SNTG1: variants seen among roughly 807,000 people sequenced by gnomAD.
SNTG1 encodes the protein syntrophin gamma 1.
In SNTG1, 39 loss-of-function variants were observed where a neutral mutation model predicts 74.7. That is an observed-to-expected ratio of 0.52 (90% CI 0.40 to 0.68). SNTG1 has a LOEUF of 0.68. SNTG1 is among the 30% of genes least tolerant of loss of function. SNTG1 has a pLI of 0.00. For missense variants in SNTG1, 685 were observed against 609.5 expected (o/e 1.12, Z -1.30); for synonymous variants, 254 against 217.1 (o/e 1.17, Z -1.49).
intron 4 of SNTG1, among the ~76,000 whole-genome samples, chr8:50,403,911 C>T (rs1276490382): frequency 2.0e-5 from 3 of 152,094 alleles, no homozygotes; most frequent in Admixed American, 1.3e-4. Flanking sequence ...AGGATAATAC[C>T]TTGCTTAATA....
At chr8:50,009,579 TA>T (rs1353944002) in intron 1 of SNTG1, among the ~76,000 whole-genome samples, 1 of 152,226 alleles carries the variant, frequency 6.6e-6, no homozygotes, top group Non-Finnish European at 1.5e-5. Flanking sequence ...ATTGTTTCTA[TA>T]TTTGTCTGTA....
rs1454115565 is a variant in SNTG1, at chr8:50,282,458, A to G, written c.-28+109823A>G. ...AGATATGGGTAAATTCCTTACCTGA[A>G]AGTTACTCAACAAATTTACTCAATT... On this transcript the variant is annotated intron_variant, in intron 2 of 18. Coordinates refer to ENST00000642720, the MANE Select transcript of SNTG1 (RefSeq NM_018967.5). 3.3e-5 allele frequency among the ~76,000 whole-genome samples: 5 copies of G among 152,134 alleles called. No individual in the cohort carries two copies. In the East Asian group the frequency reaches 9.6e-4, roughly 29 times the overall value.
At chr8:50,192,732 T>C (rs931408265) in intron 2 of SNTG1, among the ~76,000 whole-genome samples, 11 of 151,984 alleles carry the variant, frequency 7.2e-5, no homozygotes, top group East Asian at 3.9e-4. Context: ...CCTAAGCCAA[T>C]GTCTAGAAGG....
chr8:50,262,878 C>T (rs2087266368), intron 2 of SNTG1, among the ~76,000 whole-genome samples: 1 of 150,998 alleles, frequency 6.6e-6, no homozygotes, highest in Non-Finnish European at 1.5e-5. Context: ...ATATGGCATT[C>T]TGGAGAAGAC....
At position 50,263,839 on chromosome 8, in the gene SNTG1, C is replaced by A. The variant is rs558880013; in HGVS notation, c.-28+91204C>A. Among the ~76,000 whole-genome samples the A allele has an allele frequency of 1.2e-4, 18 of 152,252 alleles. No individual in the cohort carries two copies. The East Asian group carries it at 3.3e-3, about 28-fold the overall frequency. On this transcript the variant is annotated intron_variant, in intron 2 of 18. Transcript: ENST00000642720. ...GAACAGCTCTATGAATCCTTGCTAA[C>A]CCCAACAGACATGTGTAGAACACTT... is the stretch of plus-strand genomic sequence containing the variant.
chr8:50,550,408 A>G (rs1259842491), intron 11 of SNTG1, among the ~76,000 whole-genome samples: 2 of 152,174 alleles, frequency 1.3e-5, no homozygotes, highest in Non-Finnish European at 1.5e-5. Flanking sequence ...ATCACTAACT[A>G]TATTAATTAG....
chr8:49,979,942 T>G (rs771017963), intron 1 of SNTG1, among the ~76,000 whole-genome samples: 10 of 152,214 alleles, frequency 6.6e-5, no homozygotes, highest in African/African-American at 9.7e-5. Flanking sequence ...TGAAAAACAG[T>G]AACTGTACCC....
chr8:50,012,428 A>G (rs934943555), intron 1 of SNTG1, among the ~76,000 whole-genome samples: 1 of 152,178 alleles, frequency 6.6e-6, no homozygotes, highest in South Asian at 2.1e-4. Flanking sequence ...GGAAGTATGG[A>G]GTCTTCATAA....
intron 13 of SNTG1, among the ~76,000 whole-genome samples, chr8:50,605,021 G>A (rs2094803114): frequency 6.6e-6 from 1 of 152,172 alleles, no homozygotes; most frequent in Admixed American, 6.5e-5. Context: ...CTGGCCCAAG[G>A]TGTATCTAGA....
chr8:50,238,522 C>T (rs2086019855), intron 2 of SNTG1, among the ~76,000 whole-genome samples: 1 of 152,006 alleles, frequency 6.6e-6, no homozygotes, highest in African/African-American at 2.4e-5. Flanking sequence ...AATGTAAAAC[C>T]TAATACTATA....
At chr8:50,239,371 T>C (rs1278133214) in intron 2 of SNTG1, among the ~76,000 whole-genome samples, 1 of 152,138 alleles carries the variant, frequency 6.6e-6, no homozygotes, top group Non-Finnish European at 1.5e-5. Context: ...TGGAGAAGTC[T>C]CAGGAAACTT....
At chr8:50,771,858 C>G (rs2095628035) in intron 18 of SNTG1, among the ~76,000 whole-genome samples, 1 of 152,088 alleles carries the variant, frequency 6.6e-6, no homozygotes, top group Non-Finnish European at 1.5e-5. Context: ...AGGCTCAAGA[C>G]TCTGCTTTGA....
intron 8 of SNTG1, among the ~76,000 whole-genome samples, chr8:50,476,577 A>C (rs2093698286): frequency 6.6e-6 from 1 of 152,188 alleles, no homozygotes; most frequent in African/African-American, 2.4e-5. Flanking sequence ...TGGATAGGAT[A>C]CAGTTGGGGA....
intron 1 of SNTG1, among the ~76,000 whole-genome samples, chr8:50,019,673 T>C (rs1816645440): frequency 6.6e-6 from 1 of 151,976 alleles, no homozygotes; most frequent in South Asian, 2.1e-4. Flanking sequence ...ATACATTCTG[T>C]GAAAACATAA....
At chr8:50,472,152 C>T (rs905876571) in intron 8 of SNTG1, among the ~76,000 whole-genome samples, 3 of 152,112 alleles carry the variant, frequency 2.0e-5, no homozygotes, top group Admixed American at 6.6e-5. Flanking sequence ...TGTGATCTCT[C>T]AAAATTGTGA....
intron 2 of SNTG1, among the ~76,000 whole-genome samples, chr8:50,351,208 A>G (rs79634145): frequency 0.018 from 2,749 of 152,274 alleles, 88 homozygotes; most frequent in African/African-American, 0.062. Flanking sequence ...TCGTGTATTC[A>G]GTAGAATTAG....
intron 1 of SNTG1, among the ~76,000 whole-genome samples, chr8:50,051,827 G>A (rs953258007): frequency 1.3e-5 from 2 of 151,992 alleles, no homozygotes; most frequent in Non-Finnish European, 2.9e-5. Flanking sequence ...CTAGAGATTA[G>A]GACTTCAACC....
chr8:50,218,993 G>A lies in SNTG1; in HGVS notation c.-28+46358G>A, dbSNP rs528358926. 2.5e-4 allele frequency among the ~76,000 whole-genome samples: 38 copies of A among 152,282 alleles called. No homozygotes were observed. The South Asian group carries it at 7.9e-3, about 32-fold the overall frequency. ...AAGAGAAAGTCTAGGTCCTGAGAAG[G>A]TGGGAAATCAGTATGGGAATCTCCC... On this transcript the variant is annotated intron_variant, in intron 2 of 18. Transcript: ENST00000642720.
At chr8:50,338,284 G>A (rs1401766081) in intron 2 of SNTG1, among the ~76,000 whole-genome samples, 1 of 152,122 alleles carries the variant, frequency 6.6e-6, no homozygotes, top group South Asian at 2.1e-4. Context: ...AGTAAACACA[G>A]CCTAACTCCT....
Sources: allele counts gnomAD v4.1 joint callset (sites outside exome capture counted in the v4.1 genomes callset), GRCh38; gene constraint gnomAD v4.1.1; transcripts MANE v1.5; gene names NCBI Gene and HGNC (gene_info 2026-07-23, HGNC 2026-07-21).